Variants in NDUFAF6 observed in about 807,000 individuals in gnomAD.
NDUFAF6 encodes the protein NADH:ubiquinone oxidoreductase complex assembly factor 6.
In NDUFAF6, 45 loss-of-function variants were observed where a neutral mutation model predicts 40.8. The observed-to-expected ratio is 1.10, with a 90% confidence interval of 0.87 to 1.42. NDUFAF6 has a LOEUF of 1.42. Among genes scored for constraint, NDUFAF6 ranks in the 40% most tolerant of loss-of-function variants. The pLI is 0.00. For synonymous variants in NDUFAF6, 185 were observed against 155.9 expected (o/e 1.19, Z -1.39); for missense variants, 435 against 418.5 (o/e 1.04, Z -0.34).
chr8:94,959,050 A>G (rs890435674), intron 1 of NDUFAF6, among the ~76,000 whole-genome samples: 1 of 144,972 alleles, frequency 6.9e-6, no homozygotes, highest in African/African-American at 2.5e-5. Context: ...ATGATATGGC[A>G]GAGAAGCTGA....
intron 2 of NDUFAF6, among the ~76,000 whole-genome samples, chr8:95,033,690 G>A (rs1328154937): frequency 6.6e-6 from 1 of 152,168 alleles, no homozygotes; most frequent in Admixed American, 6.5e-5. Flanking sequence ...GAAACCTCAC[G>A]GAGAAGGTGG....
At chr8:94,994,319 G>A (rs1488670464) in intron 2 of NDUFAF6, among the ~76,000 whole-genome samples, 10 of 152,126 alleles carry the variant, frequency 6.6e-5, no homozygotes, top group Non-Finnish European at 1.5e-5. Context: ...GGGAGGCCGA[G>A]GCGAGTGGAT....
At chr8:94,969,582 G>A (rs896848) in intron 1 of NDUFAF6, among the ~76,000 whole-genome samples, 26,248 of 152,026 alleles carry the variant, frequency 0.17, 2,371 homozygotes, top group Middle Eastern at 0.24. Flanking sequence ...TCAAGGCTGC[G>A]GTGAACTGTG....
chr8:94,968,042 GC>G (rs1358562666), intron 1 of NDUFAF6, among the ~76,000 whole-genome samples: 1 of 152,104 alleles, frequency 6.6e-6, no homozygotes, highest in Non-Finnish European at 1.5e-5. Context: ...TAGTTGGCAG[GC>G]CCCAGGTCGC....
chr8:94,914,317 A>G (rs1460090275), intron 1 of NDUFAF6, among the ~76,000 whole-genome samples: 2 of 152,154 alleles, frequency 1.3e-5, no homozygotes, highest in Non-Finnish European at 2.9e-5. Context: ...GCCAGCATCC[A>G]TGCCACTGCA....
intron 2 of NDUFAF6, among the ~76,000 whole-genome samples, chr8:95,092,704 C>A (rs1425032926): frequency 6.6e-6 from 1 of 151,820 alleles, no homozygotes. Context: ...CCTGCCTCAG[C>A]CTCCTGAGTA....
At chr8:94,972,337 G>A (rs1824536324) in intron 1 of NDUFAF6, among the ~76,000 whole-genome samples, 1 of 152,144 alleles carries the variant, frequency 6.6e-6, no homozygotes, top group South Asian at 2.1e-4. Context: ...TGCCTCCCGG[G>A]TTCAAGCAGT....
At position 94,913,643 on chromosome 8, in the gene NDUFAF6, T is replaced by A. The variant is rs551917030; in HGVS notation, c.-936+17716T>A. ...AAGACCTCATCCCTACGAAACAGTT[T>A]TAAAAATCAGCTTAGCATTCTGGCA... is the stretch of plus-strand genomic sequence containing the variant. On this transcript the variant is annotated intron_variant, in intron 1 of 14. Transcript: ENST00000396113. Among the ~76,000 whole-genome samples, 16 of 152,182 alleles carry A rather than the reference T, an allele frequency of 1.1e-4. No homozygotes were observed. In the East Asian group the frequency reaches 2.1e-3, roughly 20 times the overall value.
chr8:95,039,986 C>G (rs1829975417), intron 3 of NDUFAF6, among the ~76,000 whole-genome samples: 1 of 152,152 alleles, frequency 6.6e-6, no homozygotes, highest in Non-Finnish European at 1.5e-5. Context: ...ATCTAATTTT[C>G]CATTCATATT....
chr8:95,025,835 G>C (rs1046813758), intron 1 of NDUFAF6, among the ~76,000 whole-genome samples: 2 of 152,234 alleles, frequency 1.3e-5, no homozygotes, highest in African/African-American at 4.8e-5. Context: ...GTAGTGCTGG[G>C]AAGGCCTGGC....
chr8:95,047,945 G>A (rs1830994674), intron 6 of NDUFAF6, among the ~76,000 whole-genome samples: 1 of 151,768 alleles, frequency 6.6e-6, no homozygotes, highest in African/African-American at 2.4e-5. Context: ...GGTGACTCAT[G>A]CCTGTAATCC....
rs141202522 is a variant in NDUFAF6 at position 94,924,100 on chromosome 8, G to A, written c.-935-21383G>A. Among the ~76,000 whole-genome samples, 980 of 152,048 alleles carry A rather than the reference G, an allele frequency of 6.4e-3. 8 individuals carry two copies. Among genetic ancestry groups the A allele is most frequent in the Non-Finnish European group, 7.9e-3 (535 of 67,996 alleles). ...TTTTGAGACGTAGTCTCGCTCTGTC[G>A]CCCAGGCTGGAGTGCAGTGGTACGA... On this transcript the variant is annotated intron_variant, in intron 1 of 14. Coordinates refer to the NDUFAF6 transcript ENST00000396113.
intron 4 of NDUFAF6, among the ~76,000 whole-genome samples, chr8:95,043,111 A>G (rs1269051449): frequency 6.8e-5 from 9 of 132,632 alleles, no homozygotes; most frequent in African/African-American, 2.6e-4. Flanking sequence ...TTTGAGATGG[A>G]GTCTCGCTCT....
chr8:95,080,314 T>C (rs1808789384), downstream of NDUFAF6, among the ~76,000 whole-genome samples: 1 of 151,240 alleles, frequency 6.6e-6, no homozygotes, highest in Non-Finnish European at 1.5e-5. Context: ...GATTTTTTGG[T>C]AGTGTATTTT....
chr8:94,954,103 G>A (rs1008636261), upstream of NDUFAF6, among the ~76,000 whole-genome samples: 2 of 151,956 alleles, frequency 1.3e-5, no homozygotes, highest in African/African-American at 4.8e-5. Flanking sequence ...TCGCTTCGTC[G>A]CCAGGCTGGA....
intron 9 of NDUFAF6, chr8:95,073,283 C>T (rs999521019): frequency 6.6e-6 from 1 of 152,256 alleles, no homozygotes; most frequent in East Asian, 1.9e-4. Context: ...CTTCCTGAGG[C>T]CAAAGCGGGT....
At chr8:95,038,286 A>G (rs1829738513) in intron 3 of NDUFAF6, among the ~76,000 whole-genome samples, 1 of 152,212 alleles carries the variant, frequency 6.6e-6, no homozygotes, top group Admixed American at 6.5e-5. Flanking sequence ...GTGTATCCAC[A>G]TTCATAATTT....
intron 1 of NDUFAF6, among the ~76,000 whole-genome samples, chr8:94,904,225 C>T (rs963736163): frequency 6.6e-6 from 1 of 150,528 alleles, no homozygotes; most frequent in Admixed American, 6.6e-5. Context: ...CTCACTGCAA[C>T]CTCTGCCTTG....
rs182917352 is a variant in NDUFAF6, at chr8:95,072,697, A to G, written c.*512-2936A>G. 2.9e-3 allele frequency: 442 copies of G among 152,590 alleles called. 2 individuals carry two copies. The highest frequency in any genetic ancestry group is 4.4e-3 in the Admixed American group (67 of 15,306). 9.5% of individuals were successfully genotyped at this position (152,590 alleles called of 1,614,324 possible). ...GGCATTACTGGGGCACTAGTGGCCA[A>G]GTTGCCCTGATCCACCCACCTGAGA... On this transcript the variant is annotated intron_variant and NMD_transcript_variant, in intron 9 of 9. Coordinates refer to the NDUFAF6 transcript ENST00000520757.
Sources: allele counts gnomAD v4.1 joint callset (sites outside exome capture counted in the v4.1 genomes callset), GRCh38; gene constraint gnomAD v4.1.1; transcripts MANE v1.5; gene names NCBI Gene and HGNC (gene_info 2026-07-23, HGNC 2026-07-21).